The following ZNF506 variants were observed in gnomAD, a reference collection of about 807,000 sequenced individuals.
ZNF506 encodes zinc finger protein 506.
Under a neutral mutation model 11.6 loss-of-function variants are expected in ZNF506, and 10 were observed. That is an observed-to-expected ratio of 0.86 (90% CI 0.53 to 1.46). The LOEUF (loss-of-function observed/expected upper bound fraction) is 1.46. Ranked by LOEUF, ZNF506 falls within the 40% of genes most tolerant of loss-of-function variation. The pLI is 0.00. For synonymous variants in ZNF506, 156 were observed against 173.3 expected, an observed-to-expected ratio of 0.90 and a Z score of 0.78; for missense variants, 425 against 521.2, an observed-to-expected ratio of 0.82 and a Z score of 1.80.
intron 1 of ZNF506, among the ~76,000 whole-genome samples, chr19:19,817,192 C>G (rs925633824): frequency 6.6e-6 from 1 of 152,146 alleles, no homozygotes; most frequent in Non-Finnish European, 1.5e-5. Context: ...AACATACAAC[C>G]CCATTTTATG....
Position 19,813,905 on chromosome 19 carries a change from G to C in ZNF506, c.4-6837C>G, listed in dbSNP as rs115139319. Among the ~76,000 whole-genome samples the C allele has an allele frequency of 7.2e-3, 1,097 of 152,240 alleles. 11 individuals carry two copies. Among genetic ancestry groups the C allele is most frequent in the African/African-American group, 0.024 (993 of 41,530 alleles). ...ATAGGAGAGATTTGCTTGAGCCTGG[G>C]AAGTTGAGGCTAAAGTAATCCAATA... On this transcript the variant is annotated intron_variant, in intron 1 of 3. Coordinates refer to ENST00000540806, the MANE Select transcript of ZNF506 (RefSeq NM_001099269.3).
intron 1 of ZNF506, among the ~76,000 whole-genome samples, chr19:19,813,325 A>AATAAATTTAAT (rs2062898280): frequency 1.3e-5 from 2 of 152,238 alleles, no homozygotes; most frequent in African/African-American, 2.4e-5. Context: ...TTAATGAACT[A>AATAAATTTAAT]GTCATAATGT....
rs200537206 is a variant in ZNF506 at position 19,795,056 on chromosome 19, T to G, written c.831A>C (p.Lys277Asn). The change falls in exon 4 of 4, where the codon AAA (lysine) becomes AAC (asparagine). Residue 277 changes from lysine (K) to asparagine (N), a missense_variant. Lys to Asn is a moderately conservative substitution (Grantham distance 94). Transcript: ENST00000540806. ...NHPATLFSHK[K>N]IHTGEKPYKC... ...TGTATGGTTTCTCTCCAGTATGAAT[T>G]TTCTTATGTGAAAAAAGGGTTGCAG... 6.8e-5 allele frequency: 110 copies of G among 1,613,784 alleles called. No individual in the cohort carries two copies. The highest frequency in any genetic ancestry group is 9.0e-5 in the Non-Finnish European group (106 of 1,179,954).
At position 19,821,722 on chromosome 19, in the gene ZNF506, C is replaced by G; in HGVS notation, c.-119G>C. ...CGGCACAGAGCAGTGAAGACGATAGCTGGATCTCTGGCGTCAGCGAGAGAC... is the reference window on the plus strand; with the variant it reads ...CGGCACAGAGCAGTGAAGACGATAGGTGGATCTCTGGCGTCAGCGAGAGAC... On this transcript the variant is annotated 5_prime_UTR_variant, in exon 1 of 4. Coordinates refer to ENST00000540806, the MANE Select transcript of ZNF506 (RefSeq NM_001099269.3). 1.5e-6 allele frequency: 2 copies of G among 1,323,342 alleles called. No homozygotes were observed. The highest frequency in any genetic ancestry group is 1.2e-5 in the South Asian group (1 of 84,802). The allele number at this position is 1,323,342 out of a possible 1,614,324, so 82.0% of individuals were successfully genotyped here. A position where few individuals can be genotyped will look rare whatever the true frequency, so the allele number is the denominator to read the frequency against.
chr19:19,803,466 G>A (rs963480939), intron 3 of ZNF506, among the ~76,000 whole-genome samples: 3 of 152,108 alleles, frequency 2.0e-5, no homozygotes, highest in Non-Finnish European at 4.4e-5. Context: ...CTGATACAAC[G>A]CCCACCATAT....
intron 1 of ZNF506, among the ~76,000 whole-genome samples, chr19:19,810,266 G>C (rs1599523177): frequency 6.6e-6 from 1 of 152,154 alleles, no homozygotes; most frequent in African/African-American, 2.4e-5. Context: ...TTCTGGTACA[G>C]ATAAGGACAA....
chr19:19,806,162 C>T lies in ZNF506; in HGVS notation c.131-36G>A, dbSNP rs182150257. 15 of 1,494,142 alleles carry T rather than the reference C, an allele frequency of 1.0e-5. No homozygotes were observed. In the East Asian group the frequency reaches 3.2e-4, roughly 32 times the overall value. The allele number at this position is 1,494,142 out of a possible 1,614,324, so 92.6% of individuals were successfully genotyped here. ...AAGAATAAATAATATGAATCTTGCT[C>T]ATATTCTCCAATTACAAGCTAGTAC... On this transcript the variant is annotated intron_variant, in intron 2 of 3. Coordinates refer to ENST00000540806, the MANE Select transcript of ZNF506 (RefSeq NM_001099269.3).
At position 19,793,433 on chromosome 19, in the gene ZNF506, G is replaced by A. The variant is rs2062710849; in HGVS notation, c.*1119C>T. On this transcript the variant is annotated 3_prime_UTR_variant, in exon 4 of 4. Coordinates refer to ENST00000540806, the MANE Select transcript of ZNF506 (RefSeq NM_001099269.3). ...TCTTTCCAAATTCATTATATTTGCA[G>A]GACTCTTCTCCAATATAAATTCCAT... Among the ~76,000 whole-genome samples, 3 of 152,072 alleles carry A rather than the reference G, an allele frequency of 2.0e-5. No homozygotes were observed. In the East Asian group the frequency reaches 5.8e-4, roughly 29 times the overall value.
intron 3 of ZNF506, among the ~76,000 whole-genome samples, chr19:19,800,327 C>T (rs1599511478): frequency 6.7e-6 from 1 of 148,428 alleles, no homozygotes; most frequent in Non-Finnish European, 1.5e-5. Flanking sequence ...TTTAGCTTTG[C>T]AAGATAAAAA....
chr19:19,818,782 C>G (rs1160273163), intron 1 of ZNF506, among the ~76,000 whole-genome samples: 1 of 152,104 alleles, frequency 6.6e-6, no homozygotes, highest in Non-Finnish European at 1.5e-5. Context: ...GCAGGTGGAT[C>G]GCTTAAGAAC....
In ZNF506 at chr19:19,807,075, A is replaced by G. The variant is rs2062841350; in HGVS notation, c.4-7T>C. ...CTCTAAATTGCAATGGTCCCTGAAAAAAACACACACACTTATTTTTACCAA... is the reference window on the plus strand; with the variant it reads ...CTCTAAATTGCAATGGTCCCTGAAAGAAACACACACACTTATTTTTACCAA... On this transcript the variant is annotated splice_region_variant and splice_polypyrimidine_tract_variant and intron_variant, in intron 1 of 3. Transcript: ENST00000540806. 1.9e-6 allele frequency: 3 copies of G among 1,613,340 alleles called. No individual in the cohort carries two copies. In the African/African-American group the frequency reaches 4.0e-5, roughly 22 times the overall value.
At chr19:19,801,267 G>C (rs1014471674) in intron 3 of ZNF506, among the ~76,000 whole-genome samples, 4 of 152,284 alleles carry the variant, frequency 2.6e-5, no homozygotes, top group African/African-American at 4.8e-5. Context: ...AAGGCGGGTG[G>C]ATTGCCTGAG....
chr19:19,795,713 T>C (rs1337303282), intron 3 of ZNF506, 53 bp from the exon 4 acceptor site: 1 of 1,434,790 alleles, frequency 7.0e-7, no homozygotes. Flanking sequence ...CAGATAAATA[T>C]ACTTCACAAA....
chr19:19,801,969 C>A (rs1216731921), intron 3 of ZNF506, among the ~76,000 whole-genome samples: 2 of 151,058 alleles, frequency 1.3e-5, no homozygotes, highest in Admixed American at 1.3e-4. Flanking sequence ...TATGGGAGGC[C>A]GAGGCGGGCA....
chr19:19,816,459 AC>A (rs2062932274), intron 1 of ZNF506, among the ~76,000 whole-genome samples: 1 of 151,788 alleles, frequency 6.6e-6, no homozygotes, highest in African/African-American at 2.4e-5. Context: ...CCGGGTTCAC[AC>A]CATTCTCCTG....
At chr19:19,799,448 C>T in intron 3 of ZNF506, 1 of 674,894 alleles carries the variant, frequency 1.5e-6, no homozygotes, top group African/African-American at 1.8e-5. Flanking sequence ...CTTTATAGAC[C>T]ACCTGTTAGG....
At chr19:19,817,986 C>T (rs1199279525) in intron 1 of ZNF506, among the ~76,000 whole-genome samples, 1 of 151,982 alleles carries the variant, frequency 6.6e-6, no homozygotes, top group African/African-American at 2.4e-5. Context: ...TGCCACCACA[C>T]CTGGCTAATT....
At chr19:19,821,040 C>G (rs2062963888) in intron 1 of ZNF506, among the ~76,000 whole-genome samples, 1 of 152,090 alleles carries the variant, frequency 6.6e-6, no homozygotes, top group Non-Finnish European at 1.5e-5. Flanking sequence ...GCTGGGACTA[C>G]AGACATTTGC....
In ZNF506 at chr19:19,821,691, A is replaced by G. The variant is rs1451081667; in HGVS notation, c.-88T>C. On this transcript the variant is annotated 5_prime_UTR_variant, in exon 1 of 4. Transcript: ENST00000540806. The stretch of plus-strand genomic sequence containing the variant: ...GGGCCACAGAGGCTGGGCCTCTAGG[A>G]GCTGACGGCACAGAGCAGTGAAGAC... The G allele has an allele frequency of 6.6e-7, 1 of 1,520,528 alleles. No individual in the cohort carries two copies. The highest frequency in any genetic ancestry group is 9.1e-7 in the Non-Finnish European group (1 of 1,095,856). 94.2% of individuals were successfully genotyped at this position (1,520,528 alleles called of 1,614,324 possible). A position where few individuals can be genotyped will look rare whatever the true frequency, so the allele number is the denominator to read the frequency against.
Sources: gnomAD v4.1 joint callset for allele counts (sites outside exome capture counted in the v4.1 genomes callset) on GRCh38, gnomAD v4.1.1 for gene constraint, MANE v1.5 for transcripts, NCBI Gene and HGNC (gene_info 2026-07-23, HGNC 2026-07-21) for gene names.